The following ZNF618 variants were observed in gnomAD, a reference collection of about 807,000 sequenced individuals.
ZNF618 encodes the protein zinc finger protein 618, also known as neural precursor cell expressed, developmentally down-regulated 10.
A neutral mutation model predicts 103.0 loss-of-function variants in ZNF618; 34 were observed. The ratio of observed to expected loss-of-function variants is 0.33; its 90% CI spans 0.25 to 0.44. The LOEUF (loss-of-function observed/expected upper bound fraction) is 0.44. ZNF618 is among the 20% of genes least tolerant of loss of function. ZNF618 has a pLI of 1.00. For missense variants in ZNF618, 1,059 were observed against 1,295.4 expected (o/e 0.82, Z 2.80); for synonymous variants, 551 against 542.2 (o/e 1.02, Z -0.23).
At chr9:113,887,350 A>G (rs528606536) in intron 1 of ZNF618, among the ~76,000 whole-genome samples, 1 of 152,368 alleles carries the variant, frequency 6.6e-6, no homozygotes, top group South Asian at 2.1e-4. Context: ...TCCCCTAAAC[A>G]TTAGTTGAAC....
chr9:113,918,948 G>C (rs1165499194), intron 1 of ZNF618, among the ~76,000 whole-genome samples: 1 of 152,174 alleles, frequency 6.6e-6, no homozygotes, highest in African/African-American at 2.4e-5. Context: ...ATGAAAACTG[G>C]AAAGGAAGAC....
intron 9 of ZNF618, among the ~76,000 whole-genome samples, chr9:114,015,407 G>T (rs1404778657): frequency 2.0e-5 from 3 of 152,136 alleles, no homozygotes; most frequent in African/African-American, 7.2e-5. Flanking sequence ...AGAAATCAAA[G>T]AAATGGAAAG....
chr9:113,981,360 CAT>C (rs1043161187), intron 2 of ZNF618, among the ~76,000 whole-genome samples: 1 of 152,122 alleles, frequency 6.6e-6, no homozygotes, highest in Non-Finnish European at 1.5e-5. Context: ...AGGAGACACA[CAT>C]GTCTTGCTGG....
intron 1 of ZNF618, among the ~76,000 whole-genome samples, chr9:113,882,630 C>A (rs1015325625): frequency 1.3e-5 from 2 of 152,202 alleles, no homozygotes; most frequent in Non-Finnish European, 2.9e-5. Flanking sequence ...ATCCATGAGA[C>A]TTTCTTGTTA....
intron 1 of ZNF618, among the ~76,000 whole-genome samples, chr9:113,914,556 A>G (rs969605558): frequency 1.3e-5 from 2 of 152,188 alleles, no homozygotes; most frequent in Non-Finnish European, 2.9e-5. Context: ...TTTCCAAAAG[A>G]TTTGCTAGGG....
At chr9:114,046,113 A>T (rs1845624714) in intron 13 of ZNF618, among the ~76,000 whole-genome samples, 1 of 152,004 alleles carries the variant, frequency 6.6e-6, no homozygotes, top group Admixed American at 6.6e-5. Context: ...ATTGTTTTGT[A>T]TGTATGTGGA....
intron 1 of ZNF618, among the ~76,000 whole-genome samples, chr9:113,917,037 G>C (rs1013944803): frequency 2.0e-5 from 3 of 152,156 alleles, no homozygotes; most frequent in African/African-American, 4.8e-5. Context: ...GGGGTGGCCA[G>C]CTCCCACCAA....
At chr9:113,881,059 G>A (rs573509980) in intron 1 of ZNF618, among the ~76,000 whole-genome samples, 2 of 152,280 alleles carry the variant, frequency 1.3e-5, no homozygotes, top group East Asian at 3.9e-4. Context: ...GAGTCTGGAA[G>A]GACATATGGA....
At chr9:113,910,058 C>T (rs1831382674) in intron 1 of ZNF618, among the ~76,000 whole-genome samples, 7 of 152,290 alleles carry the variant, frequency 4.6e-5, no homozygotes, top group Admixed American at 3.9e-4. Context: ...GCTGGGATTA[C>T]AGGCATGAGC....
intron 6 of ZNF618, among the ~76,000 whole-genome samples, chr9:114,006,033 C>T (rs1234623376): frequency 1.3e-5 from 2 of 152,218 alleles, no homozygotes; most frequent in African/African-American, 4.8e-5. Context: ...GCTCTGGCAC[C>T]TGCTAAGGCA....
At chr9:113,977,859 C>G (rs1008446959) in intron 2 of ZNF618, among the ~76,000 whole-genome samples, 1 of 152,162 alleles carries the variant, frequency 6.6e-6, no homozygotes, top group Non-Finnish European at 1.5e-5. Flanking sequence ...TTGCTTTCCC[C>G]CAGTCTAGGT....
chr9:113,956,397 A>G (rs1337565920), intron 1 of ZNF618, among the ~76,000 whole-genome samples: 2 of 152,102 alleles, frequency 1.3e-5, no homozygotes, highest in Admixed American at 6.5e-5. Context: ...GGCAGCCACT[A>G]CTAAATGGTT....
chr9:114,046,827 G>A lies in ZNF618; in HGVS notation c.1247-1066G>A, dbSNP rs574388260. 4.1e-4 allele frequency among the ~76,000 whole-genome samples: 63 copies of A among 152,244 alleles called. 3 individuals are homozygous for A. The South Asian group carries it at 0.013, about 31-fold the overall frequency. On this transcript the variant is annotated intron_variant, in intron 13 of 14. Coordinates refer to ENST00000374126, the MANE Select transcript of ZNF618 (RefSeq NM_001318042.2). Reference sequence around the variant, plus strand: ...GATTTTTGTCTTTTACTCTATTAGCGTGGTGTATTACATTTATTTGTGTAT... The same window carrying A: ...GATTTTTGTCTTTTACTCTATTAGCATGGTGTATTACATTTATTTGTGTAT...
intron 13 of ZNF618, among the ~76,000 whole-genome samples, chr9:114,046,744 T>C (rs1056595541): frequency 4.6e-5 from 7 of 152,218 alleles, no homozygotes; most frequent in African/African-American, 7.2e-5. Context: ...GTTTTTATCA[T>C]GAAAAAGGTG....
intron 13 of ZNF618, among the ~76,000 whole-genome samples, chr9:114,041,114 T>C (rs1214103831): frequency 6.6e-6 from 1 of 152,200 alleles, no homozygotes; most frequent in Non-Finnish European, 1.5e-5. Flanking sequence ...TGTCTGTTGG[T>C]TGCATAAATG....
chr9:113,876,374 C>G lies in ZNF618; in HGVS notation c.-7C>G. The G allele has an allele frequency of 1.7e-6, 2 of 1,196,508 alleles. No homozygotes were observed. The highest frequency in any genetic ancestry group is 4.5e-5 in the Admixed American group (1 of 22,206). 74.1% of individuals were successfully genotyped at this position (1,196,508 alleles called of 1,614,324 possible). A position where few individuals can be genotyped will look rare whatever the true frequency, so the allele number is the denominator to read the frequency against. On this transcript the variant is annotated 5_prime_UTR_variant, in exon 1 of 15. Coordinates refer to ENST00000374126, the MANE Select transcript of ZNF618 (RefSeq NM_001318042.2). Reference sequence around the variant, plus strand: ...CGCGCCGGGGCCGCCTCCTCCCGCACGGACCCATGAACCAGCCGGGCGGCG... The same window carrying G: ...CGCGCCGGGGCCGCCTCCTCCCGCAGGGACCCATGAACCAGCCGGGCGGCG...
At chr9:113,991,122 G>A (rs1373151897) in intron 3 of ZNF618, among the ~76,000 whole-genome samples, 3 of 152,214 alleles carry the variant, frequency 2.0e-5, no homozygotes, top group African/African-American at 7.2e-5. Context: ...CTAGGCCAGG[G>A]AAATGCTGGG....
intron 1 of ZNF618, among the ~76,000 whole-genome samples, chr9:113,957,805 CTTTT>C (rs34031250): frequency 6.9e-6 from 1 of 145,280 alleles, no homozygotes; most frequent in Non-Finnish European, 1.5e-5. Flanking sequence ...CAAAAGTTTC[CTTTT>C]TTTTTTTTTT....
intron 1 of ZNF618, among the ~76,000 whole-genome samples, chr9:113,913,644 C>T (rs1340889842): frequency 1.3e-5 from 2 of 151,072 alleles, no homozygotes; most frequent in Non-Finnish European, 3.0e-5. Context: ...AGATATCACT[C>T]CTTGGTTCTT....
Sources: gnomAD v4.1 joint callset for allele counts (sites outside exome capture counted in the v4.1 genomes callset) on GRCh38, gnomAD v4.1.1 for gene constraint, MANE v1.5 for transcripts, NCBI Gene and HGNC (gene_info 2026-07-23, HGNC 2026-07-21) for gene names.